Variants in STARD9 observed in about 807,000 individuals in gnomAD.
STARD9 encodes StAR related lipid transfer domain containing 9.
Under a neutral mutation model 399.8 loss-of-function variants are expected in STARD9, and 346 were observed. The ratio of observed to expected loss-of-function variants is 0.87; its 90% CI spans 0.79 to 0.95. STARD9 has a LOEUF of 0.95. Among genes scored for constraint, STARD9 ranks in the 40% least tolerant of loss-of-function variants. STARD9 has a pLI of 0.00. For synonymous variants in STARD9, 2,203 were observed against 2,143.5 expected, an observed-to-expected ratio of 1.03 and a Z score of -0.77; for missense variants, 5,832 against 5,667.5, an observed-to-expected ratio of 1.03 and a Z score of -0.93.
intron 3 of STARD9, among the ~76,000 whole-genome samples, chr15:42,588,821 G>C (rs77632790): frequency 1.6e-4 from 14 of 89,020 alleles, no homozygotes; most frequent in Admixed American, 3.3e-4. Context: ...TTTTTGGAGT[G>C]GGGGGTGGGG....
intron 20 of STARD9, among the ~76,000 whole-genome samples, chr15:42,679,217 C>T (rs558746876): frequency 2.0e-5 from 3 of 152,300 alleles, no homozygotes; most frequent in African/African-American, 7.2e-5. Flanking sequence ...TTTCTATAGT[C>T]AGACAAAATT....
chr15:42,599,774 G>T (rs1426448926), intron 3 of STARD9, among the ~76,000 whole-genome samples: 4 of 152,166 alleles, frequency 2.6e-5, no homozygotes, highest in Non-Finnish European at 2.9e-5. Flanking sequence ...GCAACACATG[G>T]GGTTTAGTGC....
rs1222443170 is a variant in STARD9 at position 42,583,396 on chromosome 15, C to T, written c.98C>T (p.Ala33Val). The part of the protein sequence containing the change: ...RIIVEVDGKV[A>V]KIRNLKVDNR... ...ATTGTGGAAGTTGATGGCAAAGTGGCAAAAATCAGGAATTTAAAGGTAAGC... is the reference window on the plus strand; with the variant it reads ...ATTGTGGAAGTTGATGGCAAAGTGGTAAAAATCAGGAATTTAAAGGTAAGC... The change falls in exon 2 of 33, where the codon GCA becomes GTA. Residue 33 changes from alanine to valine, a missense_variant. This residue lies in a region of STARD9 where 5,828 missense variants were observed against 5,651.1 expected (regional missense o/e 1.03). Transcript: ENST00000290607. 1 of 1,536,652 alleles carries T rather than the reference C, an allele frequency of 6.5e-7. No individual in the cohort carries two copies. Among genetic ancestry groups the T allele is most frequent in the South Asian group, 1.2e-5 (1 of 84,024 alleles).
rs1242800841 is a variant in STARD9 at position 42,689,233 on chromosome 15, TGGA to T, written c.7660_7662del (p.Glu2554del). 1.3e-6 allele frequency: 2 copies of T among 1,537,222 alleles called. No homozygotes were observed. Among genetic ancestry groups the T allele is most frequent in the South Asian group, 1.2e-5 (1 of 84,056 alleles). On this transcript the variant is annotated inframe_deletion, in exon 23 of 33. Transcript: ENST00000290607. ...CATGCATCCATGTGCCTGGCCATCTTGGAGGAGATCAGACAGGCAAAGGCCCAG... is the reference window on the plus strand; with the variant it reads ...CATGCATCCATGTGCCTGGCCATCTTGGAGATCAGACAGGCAAAGGCCCAG...
intron 3 of STARD9, among the ~76,000 whole-genome samples, chr15:42,625,554 T>C (rs1043313150): frequency 6.6e-6 from 1 of 151,266 alleles, no homozygotes; most frequent in Non-Finnish European, 1.5e-5. Context: ...GGTCTCGAAC[T>C]CCTGACCTCA....
intron 4 of STARD9, among the ~76,000 whole-genome samples, chr15:42,637,654 G>T (rs948217608): frequency 2.6e-5 from 4 of 152,172 alleles, no homozygotes; most frequent in Admixed American, 2.0e-4. Context: ...ATCTGGGTTT[G>T]CCGGCTTCTC....
In STARD9 at chr15:42,690,353, AGAT is replaced by A; in HGVS notation, c.8777_8779del (p.Asp2926del). 6.5e-7 allele frequency: 1 copy of A among 1,537,268 alleles called. No individual in the cohort carries two copies. Among genetic ancestry groups the A allele is most frequent in the Non-Finnish European group, 8.7e-7 (1 of 1,146,920 alleles). ...CATGTAGACACCCAAGGGAAGCTTT[AGAT>A]GGCCCTGTCTTCTCAAGGAACCCTG... On this transcript the variant is annotated inframe_deletion, in exon 23 of 33. Transcript: ENST00000290607.
chr15:42,695,271 C>G lies in STARD9; in HGVS notation c.13094C>G (p.Thr4365Ser). The G allele has an allele frequency of 6.5e-7, 1 of 1,537,134 alleles. No individual in the cohort carries two copies. Among genetic ancestry groups the G allele is most frequent in the Admixed American group, 2.0e-5 (1 of 51,000 alleles). ...ARARDQLRER[T>S]EQEKLRIHQK... ...GCCCGAGACCAACTGCGGGAGCGGA[C>G]TGAACAAGAGAAGCTGAGAATCCAC... Residue 4365 changes from threonine (T) to serine (S), a missense_variant, in exon 25 of 33, where the codon ACT (threonine) becomes AGT (serine). Transcript: ENST00000290607.
In STARD9 at chr15:42,585,688, ATAT is replaced by A. The variant is rs370662739; in HGVS notation, c.234+53_234+55del. On this transcript the variant is annotated intron_variant, in intron 3 of 32. Coordinates refer to ENST00000290607, the MANE Select transcript of STARD9 (RefSeq NM_020759.3). ...CACCTCAGTTCTTTTTTTATGTATAATATTTAAGATGTTTATTATAAAGATACT... is the reference window on the plus strand; with the variant it reads ...CACCTCAGTTCTTTTTTTATGTATAATTAAGATGTTTATTATAAAGATACT... 2.1e-4 allele frequency: 240 copies of A among 1,126,104 alleles called. No individual in the cohort carries two copies. In the African/African-American group the frequency reaches 3.2e-3, roughly 15 times the overall value. 69.8% of individuals were successfully genotyped at this position (1,126,104 alleles called of 1,614,324 possible). A position where few individuals can be genotyped will look rare whatever the true frequency, so the allele number is the denominator to read the frequency against.
intron 26 of STARD9, among the ~76,000 whole-genome samples, chr15:42,701,764 G>A (rs892052214): frequency 6.6e-6 from 1 of 152,086 alleles, no homozygotes; most frequent in East Asian, 1.9e-4. Flanking sequence ...GGAGGCTGAG[G>A]CAGGCTGATC....
In STARD9 at chr15:42,718,799, G is replaced by T; in HGVS notation, c.13890G>T (p.Met4630Ile). 2.0e-6 allele frequency: 3 copies of T among 1,537,250 alleles called. No homozygotes were observed. Among genetic ancestry groups the T allele is most frequent in the Non-Finnish European group, 2.6e-6 (3 of 1,146,910 alleles). ...CCCAGTCTGTGTATGATACATCCATGCCAAGACCCAGCAGAAAAATGGTTC... is the reference window on the plus strand; with the variant it reads ...CCCAGTCTGTGTATGATACATCCATTCCAAGACCCAGCAGAAAAATGGTTC... ...MAAQSVYDTS[M>I]PRPSRKMVRG... Residue 4630 changes from methionine to isoleucine, a missense_variant, in exon 32 of 33, where the codon ATG (methionine) becomes ATT (isoleucine). By Grantham distance (10) the Met-to-Ile change is conservative. Around this residue, in one of 2 missense-constraint regions of STARD9, gnomAD observed 5,828 missense variants for 5,651.1 expected, o/e 1.03. Coordinates refer to ENST00000290607, the MANE Select transcript of STARD9 (RefSeq NM_020759.3).
In STARD9 at chr15:42,681,149, C is replaced by G. The variant is rs544391597; in HGVS notation, c.1875-273C>G. On this transcript the variant is annotated intron_variant, in intron 20 of 32. Coordinates refer to ENST00000290607, the MANE Select transcript of STARD9 (RefSeq NM_020759.3). ...TGTCTTTTTAAAAAGAACAACTTTC[C>G]TGGTGATTTTCCTTAACTAAAATGG... 6.6e-5 allele frequency among the ~76,000 whole-genome samples: 10 copies of G among 152,232 alleles called. No homozygotes were observed. The East Asian group carries it at 1.5e-3, about 23-fold the overall frequency.
chr15:42,676,755 G>T (rs2060319200), intron 20 of STARD9, among the ~76,000 whole-genome samples: 1 of 152,162 alleles, frequency 6.6e-6, no homozygotes. Flanking sequence ...GAAAATTTCA[G>T]CAGGGGACTT....
chr15:42,694,457 C>T, intron 23 of STARD9, 71 bp from the exon 24 acceptor site: 10 of 1,522,704 alleles, frequency 6.6e-6, no homozygotes, highest in Admixed American at 2.0e-5. Flanking sequence ...TGGGATCTTC[C>T]AGGGGTCAGA....
Position 42,718,017 on chromosome 15 carries a change from G to A in STARD9, c.13600G>A (p.Val4534Met). The change falls in exon 30 of 33, where the codon GTG becomes ATG. Residue 4534 changes from valine to methionine, a missense_variant. Val to Met is a conservative substitution (Grantham distance 21). This residue lies in a region of STARD9 where 5,828 missense variants were observed against 5,651.1 expected (regional missense o/e 1.03). Coordinates refer to ENST00000290607, the MANE Select transcript of STARD9 (RefSeq NM_020759.3). ...GCAGGCGGTGCAGCTTTACTACAAG[G>A]TGTTTTCTCCCACTCGGCATGGCTT... ...EEQAVQLYYK[V>M]FSPTRHGFLG... 6.5e-7 allele frequency: 1 copy of A among 1,537,234 alleles called. No homozygotes were observed. Among genetic ancestry groups the A allele is most frequent in the South Asian group, 1.2e-5 (1 of 84,062 alleles).
chr15:42,684,750 A>G lies in STARD9; in HGVS notation c.3172A>G (p.Lys1058Glu), dbSNP rs1652674087. 1.3e-6 allele frequency: 2 copies of G among 1,537,212 alleles called. No individual in the cohort carries two copies. The highest frequency in any genetic ancestry group is 2.7e-5 in the African/African-American group (2 of 73,156). Residue 1058 changes from lysine (K) to glutamate (E), a missense_variant, in exon 23 of 33, where the codon AAG (lysine) becomes GAG (glutamate). Around this residue, in one of 2 missense-constraint regions of STARD9, gnomAD observed 5,828 missense variants for 5,651.1 expected, o/e 1.03. Coordinates refer to ENST00000290607, the MANE Select transcript of STARD9 (RefSeq NM_020759.3). Reference sequence around the variant, plus strand: ...AACTAGGGTCAGAAATATTACCAAAAAGTCCTCTCACTTGCCTCTTGGCAG... The same window carrying G: ...AACTAGGGTCAGAAATATTACCAAAGAGTCCTCTCACTTGCCTCTTGGCAG... ...LATRVRNITK[K>E]SSHLPLGSPL...
chr15:42,620,179 G>T (rs1447324861), intron 3 of STARD9, among the ~76,000 whole-genome samples: 3 of 152,160 alleles, frequency 2.0e-5, no homozygotes, highest in East Asian at 1.9e-4. Context: ...AGAAGCTGAG[G>T]CAAAATAAGC....
At chr15:42,647,752 G>T (rs2059672922) in intron 7 of STARD9, among the ~76,000 whole-genome samples, 1 of 151,956 alleles carries the variant, frequency 6.6e-6, no homozygotes, top group African/African-American at 2.4e-5. Flanking sequence ...TTTTATTTGG[G>T]TTTAAATCTG....
intron 9 of STARD9, among the ~76,000 whole-genome samples, chr15:42,655,001 G>A (rs2059836420): frequency 6.6e-6 from 1 of 152,270 alleles, no homozygotes; most frequent in African/African-American, 2.4e-5. Context: ...ACAAATCTGG[G>A]CCAGGCGCAG....
Sources: allele counts gnomAD v4.1 joint callset (sites outside exome capture counted in the v4.1 genomes callset), GRCh38; gene constraint gnomAD v4.1.1; regional missense constraint gnomAD v4.1.1; transcripts MANE v1.5; gene names NCBI Gene and HGNC (gene_info 2026-07-23, HGNC 2026-07-21).